The following SIK3 variants were observed in gnomAD, a reference collection of about 807,000 sequenced individuals.
SIK3 encodes the protein SIK family kinase 3.
A neutral mutation model predicts 144.2 loss-of-function variants in SIK3; 28 were observed. The ratio of observed to expected loss-of-function variants is 0.19; its 90% CI spans 0.14 to 0.27. SIK3 has a LOEUF of 0.27. Among genes scored for constraint, SIK3 ranks in the 10% least tolerant of loss-of-function variants. SIK3 has a pLI of 1.00. For missense variants in SIK3, 1,319 were observed against 1,776.0 expected (o/e 0.74, Z 4.62); for synonymous variants, 686 against 676.3 (o/e 1.01, Z -0.22).
At chr11:116,930,939 T>C (rs948011782) in intron 3 of SIK3, among the ~76,000 whole-genome samples, 1 of 152,048 alleles carries the variant, frequency 6.6e-6, no homozygotes, top group African/African-American at 2.4e-5. Flanking sequence ...ACTCCAAACA[T>C]GTACCCAGAC....
At chr11:117,035,633 T>A (rs1419713220) in intron 1 of SIK3, among the ~76,000 whole-genome samples, 1 of 152,196 alleles carries the variant, frequency 6.6e-6, no homozygotes, top group East Asian at 1.9e-4. Flanking sequence ...TAGCTCACTG[T>A]AACCTTGAGC....
chr11:117,091,362 G>A (rs61903423), intron 1 of SIK3, among the ~76,000 whole-genome samples: 47,549 of 151,620 alleles, frequency 0.31, 9,679 homozygotes, highest in African/African-American at 0.59. Context: ...GTACCACCAC[G>A]CCTGGCTAAT....
chr11:116,878,720 C>T (rs906798669), intron 6 of SIK3, among the ~76,000 whole-genome samples: 1 of 152,210 alleles, frequency 6.6e-6, no homozygotes, highest in Non-Finnish European at 1.5e-5. Context: ...CCACTATGCA[C>T]ATTTCTAGTT....
At chr11:116,955,374 G>T (rs1404507014) in intron 2 of SIK3, among the ~76,000 whole-genome samples, 1 of 152,028 alleles carries the variant, frequency 6.6e-6, no homozygotes, top group Non-Finnish European at 1.5e-5. Context: ...CTCCAGCCCG[G>T]GCAACAGAGT....
At chr11:116,868,233 G>T in intron 14 of SIK3, 144 bp from the exon 15 acceptor site, 4 of 1,061,550 alleles carry the variant, frequency 3.8e-6, no homozygotes, top group Non-Finnish European at 5.5e-6. Context: ...TCCCTGCCTG[G>T]ATGGAAGTGA....
intron 1 of SIK3, among the ~76,000 whole-genome samples, chr11:117,082,988 T>C (rs181088990): frequency 6.6e-6 from 1 of 152,158 alleles, no homozygotes; most frequent in Non-Finnish European, 1.5e-5. Context: ...AGAAAACCTA[T>C]TCTTATCCTG....
chr11:117,010,458 C>T lies in SIK3; in HGVS notation c.274-53394G>A, dbSNP rs78717824. On this transcript the variant is annotated intron_variant, in intron 1 of 24. Transcript: ENST00000445177. ...GTGTTCTCATGGGTATTGGGGGTGA[C>T]CAGTACAAGGCCTGCTGAGGGTACT... Among the ~76,000 whole-genome samples, 912 of 152,146 alleles carry T rather than the reference C, an allele frequency of 6.0e-3. 2 individuals carry two copies. The highest frequency in any genetic ancestry group is 0.02 in the Middle Eastern group (6 of 294).
chr11:116,910,840 C>A lies in SIK3; in HGVS notation c.617-13523G>T, dbSNP rs548577383. 6.6e-5 allele frequency among the ~76,000 whole-genome samples: 10 copies of A among 152,138 alleles called. No homozygotes were observed. The South Asian group carries it at 1.9e-3, about 28-fold the overall frequency. On this transcript the variant is annotated intron_variant, in intron 4 of 24. Transcript: ENST00000445177. The stretch of plus-strand genomic sequence containing the variant: ...AAGAACAACAACAACAAAAAAAACA[C>A]AGAAACTTAAGGCAAAGAAAGGATT...
intron 3 of SIK3, among the ~76,000 whole-genome samples, chr11:116,935,497 G>T (rs1179745661): frequency 6.6e-6 from 1 of 152,090 alleles, no homozygotes; most frequent in Non-Finnish European, 1.5e-5. Context: ...TATAAGGAAG[G>T]ATTTGTTTTC....
Position 117,008,476 on chromosome 11 carries a change from GTC to G in SIK3, c.274-51414_274-51413del. Among the ~76,000 whole-genome samples the G allele has an allele frequency of 4.6e-5, 7 of 152,172 alleles. 1 individual carries two copies. The highest frequency in any genetic ancestry group is 1.7e-4 in the African/African-American group (7 of 41,500). ...GTTAACATAAAGGCAAAAGAGAAAAGTCAAAACTCCTAAACTACAAAAATATC... is the reference window on the plus strand; with the variant it reads ...GTTAACATAAAGGCAAAAGAGAAAAGAAAACTCCTAAACTACAAAAATATC... On this transcript the variant is annotated intron_variant, in intron 1 of 24. Transcript: ENST00000445177.
chr11:116,950,015 G>T (rs1025228212), intron 3 of SIK3: 1 of 443,510 alleles, frequency 2.3e-6, no homozygotes, highest in African/African-American at 2.0e-5. Context: ...ATGGAGAGCG[G>T]GGGAGGACAG....
At chr11:116,866,307 G>A (rs1943630757) in intron 15 of SIK3, among the ~76,000 whole-genome samples, 1 of 152,140 alleles carries the variant, frequency 6.6e-6, no homozygotes, top group Admixed American at 6.5e-5. Flanking sequence ...TGTGGAGGAA[G>A]GGAAGAAGGA....
chr11:116,861,125 GCAAACCAAA>G, intron 19 of SIK3, 140 bp downstream of exon 19: 1 of 642,342 alleles, frequency 1.6e-6, no homozygotes, highest in East Asian at 3.2e-5. Flanking sequence ...GAACCAGGAT[GCAAACCAAA>G]GCAGCTTGGC....
intron 4 of SIK3, among the ~76,000 whole-genome samples, chr11:116,905,443 G>C (rs1318803103): frequency 6.6e-6 from 1 of 152,140 alleles, no homozygotes. Context: ...GTGGCCATAT[G>C]GTTTCATTTC....
At chr11:117,054,274 G>T (rs3886960) in intron 1 of SIK3, among the ~76,000 whole-genome samples, 56,670 of 152,072 alleles carry the variant, frequency 0.37, 12,902 homozygotes, top group African/African-American at 0.65. Context: ...GCAAAAAGAA[G>T]GCAGGTACAG....
chr11:116,945,380 C>CTTTT lies in SIK3; in HGVS notation c.454+8660_454+8663dup, dbSNP rs35915801. ...ATCTAGACCTGTAGCTTCATGAATT[C>CTTTT]TTTTTTTTTTTTTTTTTTTTTTTTA... On this transcript the variant is annotated intron_variant, in intron 3 of 24. Coordinates refer to ENST00000445177, the MANE Select transcript of SIK3 (RefSeq NM_001366686.3). Among the ~76,000 whole-genome samples the CTTTT allele has an allele frequency of 2.3e-3, 224 of 95,368 alleles. 3 individuals are homozygous for CTTTT. Among genetic ancestry groups the CTTTT allele is most frequent in the African/African-American group, 2.8e-3 (68 of 23,876 alleles). The allele number at this position is 95,368 out of a possible 152,430, so 62.6% of individuals were successfully genotyped here. A position where few individuals can be genotyped will look rare whatever the true frequency, so the allele number is the denominator to read the frequency against.
intron 1 of SIK3, among the ~76,000 whole-genome samples, chr11:117,013,766 T>C (rs954603923): frequency 6.6e-6 from 1 of 150,910 alleles, no homozygotes; most frequent in Non-Finnish European, 1.5e-5. Flanking sequence ...AATCAAGAAC[T>C]ACATACTTAA....
chr11:117,036,567 G>T (rs1952513654), intron 1 of SIK3, among the ~76,000 whole-genome samples: 1 of 152,190 alleles, frequency 6.6e-6, no homozygotes, highest in South Asian at 2.1e-4. Context: ...GCTGAGAATA[G>T]CTTCTATAAA....
At chr11:117,097,522 C>G (rs1201509173) in intron 1 of SIK3, among the ~76,000 whole-genome samples, 1 of 149,754 alleles carries the variant, frequency 6.7e-6, no homozygotes, top group Non-Finnish European at 1.5e-5. Flanking sequence ...TTCCTCATTG[C>G]CTCCTCCACT....
Sources: allele counts gnomAD v4.1 joint callset (sites outside exome capture counted in the v4.1 genomes callset), GRCh38; gene constraint gnomAD v4.1.1; transcripts MANE v1.5; gene names NCBI Gene and HGNC (gene_info 2026-07-23, HGNC 2026-07-21).